PTPN3: variants seen among roughly 807,000 people sequenced by gnomAD.
PTPN3 encodes tyrosine-protein phosphatase non-receptor type 3.
Under a neutral mutation model 132.7 loss-of-function variants are expected in PTPN3, and 96 were observed. The ratio of observed to expected loss-of-function variants is 0.72; its 90% CI spans 0.61 to 0.86. PTPN3 has a LOEUF of 0.86. Ranked by LOEUF, PTPN3 falls within the 40% of genes least tolerant of loss-of-function variation. PTPN3 has a pLI of 0.00. For missense variants in PTPN3, 1,125 were observed against 1,159.6 expected (o/e 0.97, Z 0.43); for synonymous variants, 398 against 429.0 (o/e 0.93, Z 0.89).
At chr9:109,457,726 A>G (rs3750426) in intron 2 of PTPN3, among the ~76,000 whole-genome samples, 57,529 of 152,056 alleles carry the variant, frequency 0.38, 11,460 homozygotes, top group African/African-American at 0.49. Context: ...TGTGGCCTCC[A>G]GTGGATTATC....
At chr9:109,508,414 C>T in the PTPN3 span, among the ~76,000 whole-genome samples, 2 of 152,178 alleles carry the variant, frequency 1.3e-5, no homozygotes, top group African/African-American at 4.8e-5. Context: ...CCTGCCTCGG[C>T]CTCCCAAAGT....
In PTPN3 at chr9:109,413,553, C is replaced by T. The variant is rs1315075997; in HGVS notation, c.1314-3138G>A. ...GCGGCTGAGGAGCGCAGGGGAGTTG[C>T]CCCATGAATTCCACAAGTGGAGTGA... On this transcript the variant is annotated intron_variant, in intron 14 of 25. Coordinates refer to ENST00000374541, the MANE Select transcript of PTPN3 (RefSeq NM_002829.4). Among the ~76,000 whole-genome samples, 3 of 152,128 alleles carry T rather than the reference C, an allele frequency of 2.0e-5. No homozygotes were observed. The South Asian group carries it at 6.2e-4, about 32-fold the overall frequency.
chr9:109,384,989 C>G (rs372377861), intron 22 of PTPN3, among the ~76,000 whole-genome samples: 19 of 152,196 alleles, frequency 1.2e-4, no homozygotes, highest in African/African-American at 4.1e-4. Context: ...CCTCTCTCAC[C>G]TCCTCATCTG....
chr9:109,379,662 C>G (rs953403860), intron 25 of PTPN3, 29 bp from the exon 26 acceptor site: 1 of 1,580,730 alleles, frequency 6.3e-7, no homozygotes, highest in Non-Finnish European at 8.7e-7. Context: ...CTGTCAAGTC[C>G]TGTAGCTCCA....
chr9:109,505,186 G>A, the PTPN3 span, among the ~76,000 whole-genome samples: 2 of 152,224 alleles, frequency 1.3e-5, no homozygotes, highest in Non-Finnish European at 2.9e-5. Flanking sequence ...GGGGGAAGAA[G>A]TCTGTGTGGA....
At chr9:109,421,230 T>C (rs917782559) in intron 13 of PTPN3, among the ~76,000 whole-genome samples, 2 of 151,978 alleles carry the variant, frequency 1.3e-5, no homozygotes, top group Non-Finnish European at 2.9e-5. Flanking sequence ...TCGGCTGTAC[T>C]TACCTGCTCC....
chr9:109,445,505 TA>T, intron 6 of PTPN3, among the ~76,000 whole-genome samples: 1 of 152,314 alleles, frequency 6.6e-6, no homozygotes, highest in East Asian at 1.9e-4. Flanking sequence ...TTTTCATGTT[TA>T]AAATAATATC....
chr9:109,472,300 T>C (rs963803770), intron 1 of PTPN3, among the ~76,000 whole-genome samples: 2 of 152,202 alleles, frequency 1.3e-5, no homozygotes, highest in Non-Finnish European at 2.9e-5. Flanking sequence ...GGCCACACAA[T>C]GCACACACCC....
chr9:109,429,967 C>T (rs913016041), intron 10 of PTPN3, among the ~76,000 whole-genome samples: 13 of 152,182 alleles, frequency 8.5e-5, no homozygotes, highest in Non-Finnish European at 1.5e-4. Context: ...GGGACATCCC[C>T]CAGATGGATC....
At chr9:109,386,811 A>G (rs866690192) in intron 22 of PTPN3, among the ~76,000 whole-genome samples, 1 of 152,152 alleles carries the variant, frequency 6.6e-6, no homozygotes, top group Non-Finnish European at 1.5e-5. Context: ...GGACCAGGCA[A>G]CCCTCTGGAA....
intron 1 of PTPN3, among the ~76,000 whole-genome samples, chr9:109,482,098 G>A (rs1190269470): frequency 6.6e-6 from 1 of 152,254 alleles, no homozygotes; most frequent in Non-Finnish European, 1.5e-5. Context: ...AATGCGCGCA[G>A]GGATTACACC....
chr9:109,459,268 G>T (rs747389025), intron 2 of PTPN3, among the ~76,000 whole-genome samples: 6 of 152,222 alleles, frequency 3.9e-5, no homozygotes, highest in Non-Finnish European at 8.8e-5. Context: ...CCTGGGCTGA[G>T]AGAAGAACGA....
chr9:109,402,435 C>T (rs769562954), intron 19 of PTPN3, among the ~76,000 whole-genome samples: 2 of 151,994 alleles, frequency 1.3e-5, no homozygotes, highest in East Asian at 1.9e-4. Flanking sequence ...CCTGCCACCC[C>T]GCCTGGCTGA....
chr9:109,508,597 T>C, the PTPN3 span, among the ~76,000 whole-genome samples: 1 of 152,238 alleles, frequency 6.6e-6, no homozygotes, highest in Non-Finnish European at 1.5e-5. Context: ...TGAAGGGCTA[T>C]GTGCCCCTTA....
chr9:109,493,717 C>T (rs1204947275), intron 1 of PTPN3, among the ~76,000 whole-genome samples: 1 of 152,162 alleles, frequency 6.6e-6, no homozygotes, highest in Non-Finnish European at 1.5e-5. Context: ...TCCTGCCGGT[C>T]CCCTAAAGGA....
At chr9:109,400,448 C>A (rs1455590657) in intron 19 of PTPN3, among the ~76,000 whole-genome samples, 1 of 152,170 alleles carries the variant, frequency 6.6e-6, no homozygotes, top group East Asian at 1.9e-4. Context: ...TGCCTAAGGC[C>A]ACACAGGAAG....
chr9:109,458,472 T>C lies in PTPN3; in HGVS notation c.139-1073A>G, dbSNP rs1028024626. Among the ~76,000 whole-genome samples the C allele has an allele frequency of 1.5e-4, 23 of 152,068 alleles. 1 individual carries two copies. Among genetic ancestry groups the C allele is most frequent in the Admixed American group, 1.3e-3 (20 of 15,268 alleles). ...ATATGAGTCAGAAATAGACCGTGTA[T>C]AGAACAGGCAAAGGTAGCTCCTTTT... On this transcript the variant is annotated intron_variant, in intron 2 of 25. Transcript: ENST00000374541.
chr9:109,377,595 C>T lies in PTPN3; in HGVS notation c.*1961G>A, dbSNP rs906530855. 2 of 152,094 alleles carry T rather than the reference C, an allele frequency of 1.3e-5. No homozygotes were observed. The highest frequency in any genetic ancestry group is 2.9e-5 in the Non-Finnish European group (2 of 68,034). 9.4% of individuals were successfully genotyped at this position (152,094 alleles called of 1,614,324 possible). A position where few individuals can be genotyped will look rare whatever the true frequency, so the allele number is the denominator to read the frequency against. ...TACTCCAGCCTGGGCGACAGTGAGA[C>T]CCTGTCTCTAAAAAGAGAGACAAAA... On this transcript the variant is annotated 3_prime_UTR_variant, in exon 26 of 26. Transcript: ENST00000374541.
intron 23 of PTPN3, among the ~76,000 whole-genome samples, chr9:109,382,777 G>T (rs1456531692): frequency 6.7e-6 from 1 of 148,908 alleles, no homozygotes; most frequent in Non-Finnish European, 1.5e-5. Flanking sequence ...TTCAACTGTG[G>T]CAAAATATAC....
Sources: gnomAD v4.1 joint callset for allele counts (sites outside exome capture counted in the v4.1 genomes callset) on GRCh38, gnomAD v4.1.1 for gene constraint, MANE v1.5 for transcripts, NCBI Gene and HGNC (gene_info 2026-07-23, HGNC 2026-07-21) for gene names.